The following KCNMA1 variants were observed in gnomAD, a reference collection of about 807,000 sequenced individuals.
KCNMA1 encodes the protein Calcium-activated potassium channel subunit alpha-1.
Under a neutral mutation model 140.0 loss-of-function variants are expected in KCNMA1, and 29 were observed. The observed-to-expected ratio is 0.21, with a 90% CI of 0.15 to 0.28. The LOEUF (loss-of-function observed/expected upper bound fraction) is 0.28, where lower values mean the gene tolerates loss of function less well. Among genes scored for constraint, KCNMA1 ranks in the 10% least tolerant of loss-of-function variants. The pLI is 1.00. For missense variants in KCNMA1, 880 were observed against 1,602.2 expected, an observed-to-expected ratio of 0.55 and a Z score of 7.70; for synonymous variants, 612 against 611.9, an observed-to-expected ratio of 1.00 and a Z score of 0.00.
intron 3 of KCNMA1, among the ~76,000 whole-genome samples, chr10:77,204,818 C>G (rs755486076): frequency 2.6e-5 from 4 of 152,160 alleles, no homozygotes; most frequent in Non-Finnish European, 4.4e-5. Flanking sequence ...GTCCTGCATA[C>G]GAGTGAAACT....
intron 12 of KCNMA1, among the ~76,000 whole-genome samples, chr10:77,083,864 A>T: frequency 7.6e-6 from 1 of 130,722 alleles, no homozygotes; most frequent in East Asian, 2.5e-4. Flanking sequence ...GGGTTGGGGG[A>T]GGTGGGAGAG....
intron 1 of KCNMA1, among the ~76,000 whole-genome samples, chr10:77,496,730 C>A (rs2042102655): frequency 6.6e-6 from 1 of 151,700 alleles, no homozygotes; most frequent in Admixed American, 6.6e-5. Flanking sequence ...CTATGAACAT[C>A]CTCATTTTAC....
intron 25 of KCNMA1, among the ~76,000 whole-genome samples, chr10:76,895,469 A>C (rs1489803424): frequency 1.3e-5 from 2 of 152,220 alleles, no homozygotes. Context: ...ATATATGTCC[A>C]TATGAAAACG....
At chr10:77,613,703 C>G (rs2154568434) in intron 1 of KCNMA1, among the ~76,000 whole-genome samples, 1 of 152,366 alleles carries the variant, frequency 6.6e-6, no homozygotes, top group South Asian at 2.1e-4. Flanking sequence ...ACTGCCTCCT[C>G]TATCCAACTT....
At chr10:77,019,602 C>T (rs945970143) in intron 16 of KCNMA1, 14 of 155,154 alleles carry the variant, frequency 9.0e-5, no homozygotes, top group East Asian at 1.9e-4. Flanking sequence ...ACAAGACACC[C>T]GTAACCAATG....
intron 2 of KCNMA1, among the ~76,000 whole-genome samples, chr10:77,282,187 T>C (rs1251659722): frequency 3.9e-5 from 6 of 152,178 alleles, no homozygotes; most frequent in Non-Finnish European, 7.3e-5. Context: ...CACATCTGTA[T>C]GTTTTACCCA....
chr10:77,574,364 A>G (rs2073205964), intron 1 of KCNMA1, among the ~76,000 whole-genome samples: 1 of 152,096 alleles, frequency 6.6e-6, no homozygotes, highest in Admixed American at 6.6e-5. Context: ...TGCACACACA[A>G]TGTGTGCTTT....
chr10:77,089,562 T>C (rs966772234), intron 10 of KCNMA1, among the ~76,000 whole-genome samples: 1 of 152,200 alleles, frequency 6.6e-6, no homozygotes, highest in Non-Finnish European at 1.5e-5. Flanking sequence ...TTTCCTCCCC[T>C]GTAAAACATA....
chr10:77,630,941 G>A (rs2093111027), intron 1 of KCNMA1, among the ~76,000 whole-genome samples: 2 of 151,514 alleles, frequency 1.3e-5, no homozygotes, highest in South Asian at 4.2e-4. Context: ...CCCCATCTCT[G>A]TAAAAAATTT....
chr10:77,351,313 C>T (rs1039641905), intron 2 of KCNMA1, among the ~76,000 whole-genome samples: 4 of 152,180 alleles, frequency 2.6e-5, no homozygotes, highest in Admixed American at 2.0e-4. Context: ...TAACTCAAGA[C>T]CACCAGGATA....
chr10:77,146,263 A>C (rs1337521325), intron 5 of KCNMA1, among the ~76,000 whole-genome samples: 1 of 152,194 alleles, frequency 6.6e-6, no homozygotes, highest in Non-Finnish European at 1.5e-5. Flanking sequence ...AAATTCCCCC[A>C]TAAGACAGCA....
At chr10:77,557,868 T>C (rs915838131) in intron 1 of KCNMA1, among the ~76,000 whole-genome samples, 1 of 152,158 alleles carries the variant, frequency 6.6e-6, no homozygotes, top group African/African-American at 2.4e-5. Context: ...CAGGCTAGTC[T>C]TGAACTCCTG....
intron 3 of KCNMA1, among the ~76,000 whole-genome samples, chr10:77,206,327 T>A (rs1351836203): frequency 6.6e-6 from 1 of 152,174 alleles, no homozygotes; most frequent in Non-Finnish European, 1.5e-5. Flanking sequence ...CAACCTGACG[T>A]TGGATTCATT....
chr10:77,242,777 T>G (rs1382877544), intron 3 of KCNMA1, among the ~76,000 whole-genome samples: 1 of 152,100 alleles, frequency 6.6e-6, no homozygotes, highest in African/African-American at 2.4e-5. Context: ...GATTGGTACC[T>G]TTAAGGCCAC....
chr10:77,121,088 G>T, intron 5 of KCNMA1, 40 bp from the exon 6 acceptor site: 1 of 1,242,148 alleles, frequency 8.1e-7, no homozygotes, highest in Non-Finnish European at 1.2e-6. Flanking sequence ...TATTTTCAAT[G>T]TGTGATTTTA....
At chr10:77,183,019 G>C (rs2098815160) in intron 5 of KCNMA1, among the ~76,000 whole-genome samples, 1 of 152,140 alleles carries the variant, frequency 6.6e-6, no homozygotes, top group Admixed American at 6.5e-5. Context: ...TTTGGAAGCA[G>C]ACCAAAGCTA....
At chr10:77,369,769 G>A (rs961910903) in intron 2 of KCNMA1, among the ~76,000 whole-genome samples, 4 of 152,190 alleles carry the variant, frequency 2.6e-5, no homozygotes, top group Admixed American at 6.5e-5. Flanking sequence ...GGAGACAGAG[G>A]AGAGAGGGAA....
chr10:76,898,612 G>A, intron 25 of KCNMA1, among the ~76,000 whole-genome samples: 1 of 151,298 alleles, frequency 6.6e-6, no homozygotes, highest in East Asian at 1.9e-4. Context: ...CAATGTAATA[G>A]AGGCAAAAGT....
chr10:77,613,547 C>T (rs1304915871), intron 1 of KCNMA1, among the ~76,000 whole-genome samples: 1 of 152,150 alleles, frequency 6.6e-6, no homozygotes, highest in Non-Finnish European at 1.5e-5. Context: ...GACCGCAGGC[C>T]GGCTCACATA....
Sources: gnomAD v4.1 joint callset for allele counts (sites outside exome capture counted in the v4.1 genomes callset) on GRCh38, gnomAD v4.1.1 for gene constraint, MANE v1.5 for transcripts, NCBI Gene and HGNC (gene_info 2026-07-23, HGNC 2026-07-21) for gene names.